The following C16orf96 variants were observed in gnomAD, a reference collection of about 807,000 sequenced individuals.
C16orf96 encodes the protein uncharacterized protein C16orf96.
A neutral mutation model predicts 103.6 loss-of-function variants in C16orf96; 108 were observed. The observed-to-expected ratio is 1.04, with a 90% CI of 0.89 to 1.22. The LOEUF (loss-of-function observed/expected upper bound fraction) is 1.22. C16orf96 is among the 50% of genes most tolerant of loss of function. C16orf96 has a pLI of 0.00. For missense variants in C16orf96, 1,586 were observed against 1,464.2 expected, an observed-to-expected ratio of 1.08 and a Z score of -1.36; for synonymous variants, 566 against 593.5, an observed-to-expected ratio of 0.95 and a Z score of 0.67.
At chr16:4,596,257 C>A (rs945190206) in intron 14 of C16orf96, among the ~76,000 whole-genome samples, 6 of 152,036 alleles carry the variant, frequency 3.9e-5, no homozygotes, top group Admixed American at 2.6e-4. Flanking sequence ...GAGACCGAGG[C>A]GGGCGGATCA....
chr16:4,579,162 C>A, intron 6 of C16orf96, 137 bp downstream of exon 6: 1 of 765,260 alleles, frequency 1.3e-6, no homozygotes, highest in Non-Finnish European at 2.1e-6. Context: ...GAGCTGGCTG[C>A]GAAGGCAGCT....
chr16:4,579,953 C>G lies in C16orf96; in HGVS notation c.2242-62C>G, dbSNP rs1457263132. 2.9e-6 allele frequency: 4 copies of G among 1,401,958 alleles called. No homozygotes were observed. The African/African-American group carries it at 5.7e-5, about 20-fold the overall frequency. The allele number at this position is 1,401,958 out of a possible 1,614,324, so 86.8% of individuals were successfully genotyped here. A position where few individuals can be genotyped will look rare whatever the true frequency, so the allele number is the denominator to read the frequency against. ...CTTGGCCTCAACCCTCCCTCAGGCCCCTTCCCGGCCATGGTAACTTCAGAA... is the reference window on the plus strand; with the variant it reads ...CTTGGCCTCAACCCTCCCTCAGGCCGCTTCCCGGCCATGGTAACTTCAGAA... On this transcript the variant is annotated intron_variant, in intron 6 of 15. Coordinates refer to ENST00000444310, the MANE Select transcript of C16orf96 (RefSeq NM_001145011.2).
chr16:4,542,613 A>G, the C16orf96 span, among the ~76,000 whole-genome samples: 1 of 152,026 alleles, frequency 6.6e-6, no homozygotes, highest in Non-Finnish European at 1.5e-5. Context: ...CCTGGCCAAT[A>G]TAGTGAAACC....
Position 4,570,501 on chromosome 16 carries a change from G to A in C16orf96, c.421-1060G>A, listed in dbSNP as rs186291482. Among the ~76,000 whole-genome samples, 50 of 125,270 alleles carry A rather than the reference G, an allele frequency of 4.0e-4. No individual in the cohort carries two copies. In the Admixed American group the frequency reaches 4.5e-3, roughly 11 times the overall value. The allele number at this position is 125,270 out of a possible 152,430, so 82.2% of individuals were successfully genotyped here. A position where few individuals can be genotyped will look rare whatever the true frequency, so the allele number is the denominator to read the frequency against. ...TTTTTTTTAGATAGAGACTCACTTCGTTGTCCAGTCTGGAGTGCAGTGGTG... is the reference window on the plus strand; with the variant it reads ...TTTTTTTTAGATAGAGACTCACTTCATTGTCCAGTCTGGAGTGCAGTGGTG... On this transcript the variant is annotated intron_variant, in intron 1 of 15. Transcript: ENST00000444310.
the C16orf96 span, among the ~76,000 whole-genome samples, chr16:4,551,182 G>T: frequency 6.6e-6 from 1 of 152,186 alleles, no homozygotes; most frequent in Non-Finnish European, 1.5e-5. Context: ...GAGGCAGAAG[G>T]ATTGCTGGAA....
chr16:4,578,997 T>C lies in C16orf96; in HGVS notation c.2213T>C (p.Ile738Thr), dbSNP rs766838176. Residue 738 changes from isoleucine to threonine, a missense_variant, in exon 6 of 16, where the codon ATT becomes ACT. Ile to Thr is a moderately conservative substitution (Grantham distance 89). Coordinates refer to ENST00000444310, the MANE Select transcript of C16orf96 (RefSeq NM_001145011.2). ...ACAGTGGACATATTGCAGAAAAAGA[T>C]TGGCAGCCTCCAGAAATCTAGGCTC... is the stretch of plus-strand genomic sequence containing the variant. ...GTTVDILQKK[I>T]GSLQKSRLKE... 15 of 1,551,350 alleles carry C rather than the reference T, an allele frequency of 9.7e-6. No individual in the cohort carries two copies. The highest frequency in any genetic ancestry group is 1.4e-5 in the African/African-American group (1 of 73,038).
rs777205852 is a variant in C16orf96 at position 4,592,380 on chromosome 16, G to A, written c.2774+13G>A. Reference sequence around the variant, plus strand: ...TGATGACTGGCCCGTGAGTACCACCGCCCAGGGTGCCCCGGCCCTAAGGGC... The same window carrying A: ...TGATGACTGGCCCGTGAGTACCACCACCCAGGGTGCCCCGGCCCTAAGGGC... On this transcript the variant is annotated intron_variant, in intron 11 of 15. Coordinates refer to ENST00000444310, the MANE Select transcript of C16orf96 (RefSeq NM_001145011.2). The A allele has an allele frequency of 2.6e-6, 4 of 1,551,322 alleles. No individual in the cohort carries two copies. Among genetic ancestry groups the A allele is most frequent in the Admixed American group, 2.0e-5 (1 of 50,980 alleles).
At position 4,575,452 on chromosome 16, in the gene C16orf96, T is replaced by G; in HGVS notation, c.972T>G (p.Phe324Leu). ...PESAPGCTTE[F>L]APGPAPGTEP... ...CTGCACCTGGGTGCACAACTGAATTTGCACCTGGGCCTGCACCTGGGACTG... is the reference window on the plus strand; with the variant it reads ...CTGCACCTGGGTGCACAACTGAATTGGCACCTGGGCCTGCACCTGGGACTG... Residue 324 changes from phenylalanine to leucine, a missense_variant, in exon 5 of 16, where the codon TTT becomes TTG. By Grantham distance (22) the Phe-to-Leu change is conservative. Coordinates refer to ENST00000444310, the MANE Select transcript of C16orf96 (RefSeq NM_001145011.2). 6.5e-7 allele frequency: 1 copy of G among 1,548,886 alleles called. No individual in the cohort carries two copies. The highest frequency in any genetic ancestry group is 1.2e-5 in the South Asian group (1 of 84,050).
At chr16:4,561,726 AG>A (rs2059333277) in intron 1 of C16orf96, 1 of 152,280 alleles carries the variant, frequency 6.6e-6, no homozygotes, top group Non-Finnish European at 1.5e-5. Context: ...GACCCATTGA[AG>A]GGGGTTGCCA....
At position 4,556,826 on chromosome 16, in the gene C16orf96, G is replaced by A. The variant is rs1000694981; in HGVS notation, c.337G>A (p.Gly113Ser). ...STAQLLEASQ[G>S]TARPVQDLWH... ...TGCCCAGCTGCTGGAAGCCAGCCAG[G>A]GCACTGCCCGGCCCGTCCAGGACCT... The change falls in exon 1 of 16, where the codon GGC becomes AGC. Residue 113 changes from glycine (G) to serine (S), a missense_variant. Gly to Ser is a moderately conservative substitution (Grantham distance 56). Coordinates refer to ENST00000444310, the MANE Select transcript of C16orf96 (RefSeq NM_001145011.2). 85 of 1,551,532 alleles carry A rather than the reference G, an allele frequency of 5.5e-5. No individual in the cohort carries two copies. Among genetic ancestry groups the A allele is most frequent in the Non-Finnish European group, 7.1e-5 (81 of 1,147,014 alleles).
At chr16:4,592,493 C>G (rs114215082) in intron 11 of C16orf96, 126 bp downstream of exon 11, 5 of 1,139,048 alleles carry the variant, frequency 4.4e-6, no homozygotes, top group East Asian at 2.6e-5. Flanking sequence ...ATACAGCATT[C>G]TCTCCAGCCA....
rs1157413283 is a variant in C16orf96 at position 4,580,142 on chromosome 16, A to G, written c.2352+17A>G. ...GAGTTCAAGGTTAGGAGGACTGGGT[A>G]GGCTGGAGAAGGGCTGGCAAAGGGA... On this transcript the variant is annotated intron_variant, in intron 7 of 15. Coordinates refer to ENST00000444310, the MANE Select transcript of C16orf96 (RefSeq NM_001145011.2). 2 of 1,471,956 alleles carry G rather than the reference A, an allele frequency of 1.4e-6. No individual in the cohort carries two copies. Among genetic ancestry groups the G allele is most frequent in the South Asian group, 1.4e-5 (1 of 72,966 alleles). The allele number at this position is 1,471,956 out of a possible 1,614,324, so 91.2% of individuals were successfully genotyped here. A position where few individuals can be genotyped will look rare whatever the true frequency, so the allele number is the denominator to read the frequency against.
At chr16:4,577,691 C>G (rs370725736) in intron 5 of C16orf96, among the ~76,000 whole-genome samples, 1 of 152,078 alleles carries the variant, frequency 6.6e-6, no homozygotes, top group Admixed American at 6.6e-5. Context: ...TGCGGTGGCT[C>G]ACGCCTGTAA....
chr16:4,584,074 G>A (rs931587216), intron 7 of C16orf96, among the ~76,000 whole-genome samples: 3 of 152,132 alleles, frequency 2.0e-5, no homozygotes, highest in African/African-American at 4.8e-5. Context: ...TCTTAAGTCC[G>A]ATAGCAATCC....
intron 1 of C16orf96, among the ~76,000 whole-genome samples, chr16:4,570,867 T>C (rs577115796): frequency 1.3e-5 from 2 of 152,224 alleles, no homozygotes; most frequent in East Asian, 3.9e-4. Flanking sequence ...AGAGCCAGGC[T>C]CCACAGGAGC....
chr16:4,555,016 G>A (rs57471394), upstream of C16orf96, among the ~76,000 whole-genome samples: 6 of 151,862 alleles, frequency 4.0e-5, no homozygotes, highest in South Asian at 2.1e-4. Context: ...TAATCCCAGC[G>A]CTTTGGGAGG....
At chr16:4,569,426 C>T (rs1567442250) in intron 1 of C16orf96, among the ~76,000 whole-genome samples, 3 of 152,078 alleles carry the variant, frequency 2.0e-5, no homozygotes, top group Admixed American at 1.3e-4. Context: ...TCTCCTTCCC[C>T]ACTGCTCCCC....
At chr16:4,578,831 C>G (rs750347711) in intron 5 of C16orf96, 109 bp from the exon 6 acceptor site, 2 of 658,944 alleles carry the variant, frequency 3.0e-6, no homozygotes, top group South Asian at 2.2e-5. Flanking sequence ...CAGTGCATTT[C>G]CACTGGGCAG....
Position 4,576,601 on chromosome 16 carries a change from G to A in C16orf96, c.2121G>A (p.Leu707=). 1 of 1,551,532 alleles carries A rather than the reference G, an allele frequency of 6.4e-7. No individual in the cohort carries two copies. The highest frequency in any genetic ancestry group is 8.7e-7 in the Non-Finnish European group (1 of 1,146,962). Residue 707 remains leucine, a synonymous_variant, in exon 5 of 16, where the codon CTG becomes CTA. Coordinates refer to ENST00000444310, the MANE Select transcript of C16orf96 (RefSeq NM_001145011.2). ...CTCTGAAGGAAGAATTTGCCCAGCT[G>A]TCCTGTAACCTGAACCAGCGCTTGA... ...HDSLKEEFAQ[L]SCNLNQRLSY...
Sources: gnomAD v4.1 joint callset for allele counts (sites outside exome capture counted in the v4.1 genomes callset) on GRCh38, gnomAD v4.1.1 for gene constraint, MANE v1.5 for transcripts, NCBI Gene and HGNC (gene_info 2026-07-23, HGNC 2026-07-21) for gene names.